DAAM1: variants seen among roughly 807,000 people sequenced by gnomAD.
The protein encoded by DAAM1 is dishevelled associated activator of morphogenesis 1.
DAAM1 carries 52 observed loss-of-function variants against 130.0 expected under a neutral mutation model. That is an observed-to-expected ratio of 0.40 (90% CI 0.32 to 0.50). The LOEUF is 0.50. DAAM1 is among the 20% of genes least tolerant of loss of function. DAAM1 has a pLI of 0.61. For synonymous variants in DAAM1, 452 were observed against 444.5 expected (o/e 1.02, Z -0.21); for missense variants, 1,134 against 1,303.8 (o/e 0.87, Z 2.01).
chr14:59,358,919 G>A (rs567107269), intron 20 of DAAM1, among the ~76,000 whole-genome samples: 8 of 150,908 alleles, frequency 5.3e-5, no homozygotes, highest in African/African-American at 1.2e-4. Flanking sequence ...TGCCCTTTTC[G>A]GTGGAATAAA....
intron 18 of DAAM1, 36 bp from the exon 19 acceptor site, chr14:59,353,840 A>C (rs1420752707): frequency 8.1e-6 from 13 of 1,598,016 alleles, no homozygotes; most frequent in Non-Finnish European, 1.1e-5. Context: ...TAGATATATT[A>C]AATGAATATC....
chr14:59,327,699 G>T (rs765579052), intron 12 of DAAM1, among the ~76,000 whole-genome samples: 1 of 152,008 alleles, frequency 6.6e-6, no homozygotes, highest in Admixed American at 6.5e-5. Flanking sequence ...GAGCCACCGC[G>T]CCCGGCCTAC....
intron 4 of DAAM1, among the ~76,000 whole-genome samples, chr14:59,319,921 AACACACAC>A (rs10566854): frequency 6.7e-6 from 1 of 150,226 alleles, no homozygotes; most frequent in African/African-American, 2.4e-5. Context: ...CCTGGGTAGA[AACACACAC>A]ACACACACAC....
chr14:59,354,006 A>T, intron 19 of DAAM1, 42 bp downstream of exon 19: 2 of 1,570,060 alleles, frequency 1.3e-6, no homozygotes, highest in Non-Finnish European at 1.7e-6. Context: ...GTTCATCATT[A>T]CAACCCATTT....
At chr14:59,334,467 C>A (rs1885550428) in intron 15 of DAAM1, among the ~76,000 whole-genome samples, 2 of 152,144 alleles carry the variant, frequency 1.3e-5, no homozygotes, top group African/African-American at 2.4e-5. Context: ...AGTCATGACA[C>A]CCTGTTCAAA....
chr14:59,332,546 CAT>C (rs1414954698), intron 15 of DAAM1, among the ~76,000 whole-genome samples: 2 of 152,138 alleles, frequency 1.3e-5, no homozygotes, highest in Non-Finnish European at 2.9e-5. Flanking sequence ...GTAGCAAAAA[CAT>C]GTGATTTGGT....
At chr14:59,332,479 T>C (rs1008619676) in intron 15 of DAAM1, among the ~76,000 whole-genome samples, 2 of 152,198 alleles carry the variant, frequency 1.3e-5, no homozygotes, top group African/African-American at 4.8e-5. Context: ...GGGGAGATGG[T>C]AATGGTGCAA....
intron 1 of DAAM1, among the ~76,000 whole-genome samples, chr14:59,256,002 A>AG (rs1348396722): frequency 4.0e-5 from 6 of 150,158 alleles, no homozygotes; most frequent in African/African-American, 1.5e-4. Context: ...TGCCATTTCC[A>AG]CTAAACCCCT....
chr14:59,266,673 A>G (rs1034884033), intron 2 of DAAM1, among the ~76,000 whole-genome samples: 2 of 152,218 alleles, frequency 1.3e-5, no homozygotes, highest in Non-Finnish European at 2.9e-5. Flanking sequence ...CCACAAATCT[A>G]TCCAATTGTA....
At position 59,347,612 on chromosome 14, in the gene DAAM1, A is replaced by G. The variant is rs1370984311; in HGVS notation, c.2149A>G (p.Met717Val). The stretch of plus-strand genomic sequence containing the variant: ...CGAACAGGAAGATCTGCCCAAGGAC[A>G]TGTTGGAACAGGTGAGCTACCAGAT... Reference protein sequence around the residue: ...MDEQEDLPKDMLEQLLKFVPE... With the variant: ...MDEQEDLPKDVLEQLLKFVPE... Residue 717 changes from methionine (M) to valine (V), a missense_variant, in exon 17 of 25, where the codon ATG becomes GTG. Coordinates refer to ENST00000360909, the MANE Select transcript of DAAM1 (RefSeq NM_001270520.2). The G allele has an allele frequency of 3.1e-6, 5 of 1,613,778 alleles. No homozygotes were observed. Among genetic ancestry groups the G allele is most frequent in the Admixed American group, 1.7e-5 (1 of 60,024 alleles).
In DAAM1 at chr14:59,225,899, G is replaced by A. The variant is rs550391612; in HGVS notation, c.-38+37131G>A. 1.8e-4 allele frequency among the ~76,000 whole-genome samples: 28 copies of A among 151,724 alleles called. No individual in the cohort carries two copies. In the Middle Eastern group the frequency reaches 0.01, roughly 56 times the overall value. On this transcript the variant is annotated intron_variant, in intron 1 of 24. Coordinates refer to ENST00000360909, the MANE Select transcript of DAAM1 (RefSeq NM_001270520.2). ...AAGATCATGCTATTAAAAATAATATGTTGCCCATGTATATCTATGAATTGA... is the reference window on the plus strand; with the variant it reads ...AAGATCATGCTATTAAAAATAATATATTGCCCATGTATATCTATGAATTGA...
chr14:59,254,116 G>A (rs994924174), intron 1 of DAAM1, among the ~76,000 whole-genome samples: 2 of 152,188 alleles, frequency 1.3e-5, no homozygotes, highest in African/African-American at 4.8e-5. Flanking sequence ...TGCTCCTTGT[G>A]GTAGGGGGAC....
At chr14:59,206,805 T>C (rs1164341764) in intron 1 of DAAM1, among the ~76,000 whole-genome samples, 2 of 152,210 alleles carry the variant, frequency 1.3e-5, no homozygotes, top group Non-Finnish European at 2.9e-5. Context: ...TAGCAAAAAA[T>C]ACTCTAGTAG....
chr14:59,269,937 G>A (rs979396482), intron 2 of DAAM1, among the ~76,000 whole-genome samples: 12 of 152,128 alleles, frequency 7.9e-5, no homozygotes, highest in African/African-American at 2.9e-4. Flanking sequence ...CCTGGGAAAG[G>A]TATGTTTGGG....
chr14:59,261,698 T>A (rs1479956911), intron 1 of DAAM1, among the ~76,000 whole-genome samples: 1 of 152,226 alleles, frequency 6.6e-6, no homozygotes. Flanking sequence ...GAAATTATAG[T>A]TGTTTATGAG....
rs1200876472 is a variant in DAAM1 at position 59,328,279 on chromosome 14, A to G, written c.1372+1288A>G. Among the ~76,000 whole-genome samples the G allele has an allele frequency of 2.6e-5, 4 of 152,258 alleles. No individual in the cohort carries two copies. The East Asian group carries it at 7.7e-4, about 29-fold the overall frequency. On this transcript the variant is annotated intron_variant, in intron 12 of 24. Transcript: ENST00000360909. Reference sequence around the variant, plus strand: ...TATTCAGATTGCTCCCAAATAAGTGACATTGCACATGCATTTTAAAAAATA... The same window carrying G: ...TATTCAGATTGCTCCCAAATAAGTGGCATTGCACATGCATTTTAAAAAATA...
At chr14:59,237,864 C>G (rs1263641451) in intron 1 of DAAM1, among the ~76,000 whole-genome samples, 1 of 152,164 alleles carries the variant, frequency 6.6e-6, no homozygotes, top group Non-Finnish European at 1.5e-5. Flanking sequence ...ATGATATATT[C>G]ATAACTTGCT....
Position 59,371,149 on chromosome 14 carries a change from T to C in DAAM1, c.*2290T>C, listed in dbSNP as rs1887156838. The C allele has an allele frequency of 6.6e-6, 1 of 151,808 alleles. No homozygotes were observed. Among genetic ancestry groups the C allele is most frequent in the South Asian group, 2.1e-4 (1 of 4,824 alleles). 9.4% of individuals were successfully genotyped at this position (151,808 alleles called of 1,614,324 possible). ...CTTTTTAGATTGGTGCTGGTGTAAG[T>C]AGCCACTTTTCTCTCTTGGGTGTGT... On this transcript the variant is annotated 3_prime_UTR_variant, in exon 25 of 25. Transcript: ENST00000360909.
chr14:59,366,654 G>T (rs977909928), intron 23 of DAAM1, among the ~76,000 whole-genome samples: 17 of 152,262 alleles, frequency 1.1e-4, no homozygotes, highest in Non-Finnish European at 1.8e-4. Context: ...AGGAATAAAT[G>T]GTTTCAAAAG....
Sources: allele counts gnomAD v4.1 joint callset (sites outside exome capture counted in the v4.1 genomes callset), GRCh38; gene constraint gnomAD v4.1.1; transcripts MANE v1.5; gene names NCBI Gene and HGNC (gene_info 2026-07-23, HGNC 2026-07-21).